The following MYH15 variants were observed in gnomAD, a reference collection of about 807,000 sequenced individuals.
MYH15 encodes the protein myosin heavy chain 15.
MYH15 carries 227 observed loss-of-function variants against 240.5 expected under a neutral mutation model. The observed-to-expected ratio is 0.94, with a 90% CI of 0.85 to 1.05. The LOEUF (loss-of-function observed/expected upper bound fraction) is 1.05, where lower values mean the gene tolerates loss of function less well. Among genes scored for constraint, MYH15 ranks in the 50% least tolerant of loss-of-function variants. The pLI, the probability that MYH15 is intolerant of heterozygous loss-of-function variation, is 0.00. For synonymous variants in MYH15, 785 were observed against 796.7 expected, an observed-to-expected ratio of 0.99 and a Z score of 0.25; for missense variants, 2,217 against 2,247.5, an observed-to-expected ratio of 0.99 and a Z score of 0.27.
intron 25 of MYH15, among the ~76,000 whole-genome samples, chr3:108,434,571 A>AATGAT (rs1553766789): frequency 1.3e-5 from 2 of 152,030 alleles, no homozygotes; most frequent in African/African-American, 4.8e-5. Flanking sequence ...ATATTAATTC[A>AATGAT]ATATTTTTCT....
Position 108,428,563 on chromosome 3 carries a change from T to C in MYH15, c.3631A>G (p.Lys1211Glu), listed in dbSNP as rs552849827. Residue 1211 changes from lysine (K) to glutamate (E), a missense_variant, in exon 27 of 41, where the codon AAA becomes GAA. Transcript: ENST00000693548. ...TCTAGCTGCAAGTCACTCTTGTCTT[T>C]TTCCAGTTTCTGCTTGACCTGCTGT... ...NLQQVKQKLEKDKSDLQLEVD... is the reference protein window; with the variant it reads ...NLQQVKQKLEEDKSDLQLEVD... 2.0e-5 allele frequency: 32 copies of C among 1,614,130 alleles called. No homozygotes were observed. In the East Asian group the frequency reaches 6.9e-4, roughly 35 times the overall value.
chr3:108,491,655 C>T lies in MYH15; in HGVS notation c.871+845G>A, dbSNP rs369940182. On this transcript the variant is annotated intron_variant, in intron 9 of 40. Coordinates refer to ENST00000693548, the MANE Select transcript of MYH15 (RefSeq NM_014981.3). ...CCATCCTGCCCATTACCAGCTTAAT[C>T]GTCCCAAACACTGCCTTCAATAAAT... Among the ~76,000 whole-genome samples, 5 of 152,258 alleles carry T rather than the reference C, an allele frequency of 3.3e-5. No individual in the cohort carries two copies. In the East Asian group the frequency reaches 5.8e-4, roughly 18 times the overall value.
the MYH15 span, among the ~76,000 whole-genome samples, chr3:108,540,745 G>A: frequency 1.3e-4 from 20 of 152,132 alleles, no homozygotes; most frequent in Admixed American, 1.2e-3. Context: ...AACACCAAGA[G>A]CAAATTCCTT....
chr3:108,414,349 T>C lies in MYH15; in HGVS notation c.4028A>G (p.Gln1343Arg). The change falls in exon 30 of 41, where the codon CAA becomes CGA. Residue 1343 changes from glutamine (Q) to arginine (R), a missense_variant. Coordinates refer to ENST00000693548, the MANE Select transcript of MYH15 (RefSeq NM_014981.3). Reference protein sequence around the residue: ...DLLREQYEEEQEVKAELHRTL... With the variant: ...DLLREQYEEEREVKAELHRTL... ...CCGGTGCAGCTCAGCCTTGACCTCT[T>C]GTTCTTCCTCATACTGCTCTCGTAG... 3 of 1,614,188 alleles carry C rather than the reference T, an allele frequency of 1.9e-6. No individual in the cohort carries two copies. The highest frequency in any genetic ancestry group is 2.5e-6 in the Non-Finnish European group (3 of 1,180,034).
the MYH15 span, among the ~76,000 whole-genome samples, chr3:108,541,113 T>A: frequency 6.6e-6 from 1 of 151,928 alleles, no homozygotes; most frequent in Non-Finnish European, 1.5e-5. Context: ...CATAGAGATG[T>A]CAATTCTTCC....
Position 108,463,070 on chromosome 3 carries a change from C to T in MYH15, c.1864+41G>A, listed in dbSNP as rs368551978. On this transcript the variant is annotated intron_variant, in intron 16 of 40. Transcript: ENST00000693548. The stretch of plus-strand genomic sequence containing the variant: ...CAAAAGCTGAGGCAGCCATGGGTTC[C>T]ATTCTGAGGCTGAAAAATCAAGGAA... 8 of 1,569,602 alleles carry T rather than the reference C, an allele frequency of 5.1e-6. No homozygotes were observed. The African/African-American group carries it at 9.7e-5, about 19-fold the overall frequency.
At chr3:108,456,664 G>T in intron 19 of MYH15, 102 bp downstream of exon 19, 2 of 788,890 alleles carry the variant, frequency 2.5e-6, no homozygotes, top group East Asian at 2.5e-5. Context: ...TTGTAGTCTG[G>T]AGGACATCAA....
the MYH15 span, among the ~76,000 whole-genome samples, chr3:108,546,774 T>G: frequency 2.0e-4 from 30 of 152,160 alleles, no homozygotes; most frequent in Non-Finnish European, 3.8e-4. Context: ...TTCATGGTTA[T>G]GTGATAATAA....
chr3:108,426,656 T>C (rs1444710132), intron 27 of MYH15, among the ~76,000 whole-genome samples: 1 of 152,200 alleles, frequency 6.6e-6, no homozygotes, highest in Non-Finnish European at 1.5e-5. Flanking sequence ...AGAATTGCCA[T>C]GGAAGCAGGA....
chr3:108,477,077 C>T (rs1220746855), intron 11 of MYH15, among the ~76,000 whole-genome samples: 1 of 152,122 alleles, frequency 6.6e-6, no homozygotes, highest in African/African-American at 2.4e-5. Context: ...AGTGAAATGT[C>T]CATCACTGAT....
chr3:108,400,790 C>G (rs2082498328), intron 33 of MYH15, among the ~76,000 whole-genome samples: 1 of 152,076 alleles, frequency 6.6e-6, no homozygotes, highest in African/African-American at 2.4e-5. Flanking sequence ...GCCTGGGCAA[C>G]AAAGCGAGAC....
intron 35 of MYH15, 60 bp from the exon 36 acceptor site, chr3:108,394,216 G>C: frequency 6.2e-7 from 1 of 1,605,018 alleles, no homozygotes; most frequent in East Asian, 2.2e-5. Flanking sequence ...ATGCAAGCTG[G>C]TCTGTTCAGG....
chr3:108,476,249 G>C (rs1392034452), intron 12 of MYH15, 148 bp downstream of exon 12: 16 of 513,392 alleles, frequency 3.1e-5, no homozygotes, highest in Non-Finnish European at 3.8e-5. Context: ...AAAACATTTG[G>C]AATAGTCATC....
At chr3:108,399,708 C>T (rs1326415067) in intron 33 of MYH15, among the ~76,000 whole-genome samples, 1 of 152,158 alleles carries the variant, frequency 6.6e-6, no homozygotes, top group Non-Finnish European at 1.5e-5. Flanking sequence ...CAGGAAAAAG[C>T]CACTCAGGTT....
the MYH15 span, among the ~76,000 whole-genome samples, chr3:108,548,835 T>C: frequency 2.0e-5 from 3 of 152,132 alleles, no homozygotes; most frequent in Non-Finnish European, 4.4e-5. Flanking sequence ...CTGACAGTGC[T>C]AACTCATGAC....
At chr3:108,512,481 C>T (rs1223182489), upstream of MYH15, among the ~76,000 whole-genome samples, 3 of 152,114 alleles carry the variant, frequency 2.0e-5, no homozygotes, top group Non-Finnish European at 4.4e-5. Flanking sequence ...TAGTGGCTTG[C>T]ACTCAGTAGA....
chr3:108,536,190 GGGA>G, the MYH15 span, among the ~76,000 whole-genome samples: 1 of 152,132 alleles, frequency 6.6e-6, no homozygotes, highest in Non-Finnish European at 1.5e-5. Flanking sequence ...ACTTGAACCT[GGGA>G]GGCGGAGGTT....
At chr3:108,478,823 G>C (rs114842863) in intron 11 of MYH15, among the ~76,000 whole-genome samples, 304 of 152,262 alleles carry the variant, frequency 2.0e-3, no homozygotes, top group Non-Finnish European at 2.7e-3. Context: ...ACAGTCCTTT[G>C]AGTCTATTTT....
chr3:108,435,855 C>T (rs2082829939), intron 25 of MYH15, among the ~76,000 whole-genome samples: 1 of 151,426 alleles, frequency 6.6e-6, no homozygotes, highest in South Asian at 2.1e-4. Context: ...CACACACACA[C>T]ACACACATCA....
Sources: allele counts gnomAD v4.1 joint callset (sites outside exome capture counted in the v4.1 genomes callset), GRCh38; gene constraint gnomAD v4.1.1; transcripts MANE v1.5; gene names NCBI Gene and HGNC (gene_info 2026-07-23, HGNC 2026-07-21).